The following ADAMTS20 variants were observed in gnomAD, a reference collection of about 807,000 sequenced individuals.
ADAMTS20 encodes the protein ADAM metallopeptidase with thrombospondin type 1 motif 20.
In ADAMTS20, 225 loss-of-function variants were observed where a neutral mutation model predicts 260.1. That is an observed-to-expected ratio of 0.87 (90% CI 0.78 to 0.97). The LOEUF (loss-of-function observed/expected upper bound fraction) is 0.97. ADAMTS20 is among the 50% of genes least tolerant of loss of function. ADAMTS20 has a pLI of 0.00. For missense variants in ADAMTS20, 2,400 were observed against 2,337.7 expected, an observed-to-expected ratio of 1.03 and a Z score of -0.55; for synonymous variants, 802 against 769.5, an observed-to-expected ratio of 1.04 and a Z score of -0.70.
chr12:43,415,597 T>TA (rs946597481), intron 28 of ADAMTS20, among the ~76,000 whole-genome samples: 10 of 152,234 alleles, frequency 6.6e-5, no homozygotes, highest in Middle Eastern at 6.8e-3. Context: ...ATTTTATCCT[T>TA]AAAAAATACC....
intron 4 of ADAMTS20, among the ~76,000 whole-genome samples, chr12:43,493,455 G>A (rs549497233): frequency 6.6e-6 from 1 of 152,236 alleles, no homozygotes; most frequent in Non-Finnish European, 1.5e-5. Context: ...TGAGACTCAG[G>A]CATCTTAAAG....
chr12:43,381,645 G>A (rs1940354051), intron 31 of ADAMTS20, among the ~76,000 whole-genome samples: 1 of 151,042 alleles, frequency 6.6e-6, no homozygotes, highest in African/African-American at 2.4e-5. Context: ...GCTAGAGATG[G>A]TGGCACATGG....
At chr12:43,381,282 T>G (rs1220321468) in intron 31 of ADAMTS20, among the ~76,000 whole-genome samples, 1 of 152,094 alleles carries the variant, frequency 6.6e-6, no homozygotes, top group Admixed American at 6.5e-5. Context: ...TAGATATATA[T>G]CTTTGTGAGC....
chr12:43,452,608 G>A lies in ADAMTS20; in HGVS notation c.1848C>T (p.Asp616=). 1 of 1,613,474 alleles carries A rather than the reference G, an allele frequency of 6.2e-7. No individual in the cohort carries two copies. Among genetic ancestry groups the A allele is most frequent in the Non-Finnish European group, 8.5e-7 (1 of 1,179,732 alleles). ...NTDSCPKGTQ[D]FREKQCSDFN... is the part of the protein sequence containing the mutation. Reference sequence around the variant, plus strand: ...AATCAGAGCACTGCTTCTCTCGAAAGTCTTGTGTGCCTTTTGGACATGAAT... The same window carrying A: ...AATCAGAGCACTGCTTCTCTCGAAAATCTTGTGTGCCTTTTGGACATGAAT... The change falls in exon 13 of 39, where the codon GAC becomes GAT. Residue 616 remains aspartate, a synonymous_variant. Coordinates refer to ENST00000389420, the MANE Select transcript of ADAMTS20 (RefSeq NM_025003.5).
intron 29 of ADAMTS20, among the ~76,000 whole-genome samples, chr12:43,386,425 C>T (rs529945693): frequency 1.3e-5 from 2 of 152,204 alleles, no homozygotes; most frequent in African/African-American, 4.8e-5. Flanking sequence ...ACATTTTTTC[C>T]TTCATTTCAA....
chr12:43,508,346 G>T (rs1942874602), intron 3 of ADAMTS20, among the ~76,000 whole-genome samples: 1 of 151,918 alleles, frequency 6.6e-6, no homozygotes, highest in South Asian at 2.1e-4. Flanking sequence ...TACAGATGAG[G>T]AATCTACAAC....
At chr12:43,415,164 TATGTTTG>T (rs1204474159) in intron 28 of ADAMTS20, among the ~76,000 whole-genome samples, 1 of 152,104 alleles carries the variant, frequency 6.6e-6, no homozygotes, top group Non-Finnish European at 1.5e-5. Flanking sequence ...ATGAATCTAT[TATGTTTG>T]ATGTCAGAAA....
intron 24 of ADAMTS20, among the ~76,000 whole-genome samples, chr12:43,429,227 A>T (rs766049444): frequency 2.0e-5 from 3 of 152,180 alleles, no homozygotes; most frequent in Non-Finnish European, 2.9e-5. Flanking sequence ...TACATATTCT[A>T]CAAGATTTTA....
chr12:43,428,180 G>T (rs1232674154), intron 26 of ADAMTS20, 61 bp downstream of exon 26: 10 of 1,526,282 alleles, frequency 6.6e-6, no homozygotes, highest in Non-Finnish European at 8.9e-6. Context: ...ATACATACCT[G>T]TTAAAAGGAT....
At chr12:43,365,200 T>C (rs550567924) in intron 37 of ADAMTS20, among the ~76,000 whole-genome samples, 16 of 152,044 alleles carry the variant, frequency 1.1e-4, no homozygotes, top group Admixed American at 2.6e-4. Context: ...CACTCCTAGA[T>C]AAACAAAACT....
chr12:43,425,526 T>C lies in ADAMTS20; in HGVS notation c.4272A>G (p.Glu1424=), dbSNP rs1405086119. 6.5e-7 allele frequency: 1 copy of C among 1,530,156 alleles called. No homozygotes were observed. Among genetic ancestry groups the C allele is most frequent in the Admixed American group, 1.9e-5 (1 of 54,042 alleles). 94.8% of individuals were successfully genotyped at this position (1,530,156 alleles called of 1,614,324 possible). Reference sequence around the variant, plus strand: ...AGTGCTATCATACCGATGTCCATGGTTCCTGATGCCATGACACATCAGCAG... The same window carrying C: ...AGTGCTATCATACCGATGTCCATGGCTCCTGATGCCATGACACATCAGCAG... The part of the protein sequence containing the change: ...ACPADVSWHQ[E]PWTSCSASCG... The change falls in exon 28 of 39, where the codon GAA becomes GAG. Residue 1424 remains glutamate, a synonymous_variant. Transcript: ENST00000389420.
chr12:43,466,003 G>A (rs1170225761), intron 9 of ADAMTS20, among the ~76,000 whole-genome samples: 1 of 152,030 alleles, frequency 6.6e-6, no homozygotes, highest in East Asian at 1.9e-4. Flanking sequence ...TTGGGAAGGA[G>A]CTCAGGCTTG....
At chr12:43,378,089 G>A (rs1940269615) in intron 31 of ADAMTS20, among the ~76,000 whole-genome samples, 1 of 152,182 alleles carries the variant, frequency 6.6e-6, no homozygotes, top group South Asian at 2.1e-4. Flanking sequence ...TTTAGCAAAA[G>A]AGGAGTAACA....
At chr12:43,491,735 G>T (rs1942603051) in intron 6 of ADAMTS20, among the ~76,000 whole-genome samples, 1 of 152,064 alleles carries the variant, frequency 6.6e-6, no homozygotes, top group African/African-American at 2.4e-5. Flanking sequence ...GCATCAAAAC[G>T]AGGAACAGAT....
At chr12:43,362,627 T>G (rs1001598012) in intron 37 of ADAMTS20, among the ~76,000 whole-genome samples, 1 of 152,078 alleles carries the variant, frequency 6.6e-6, no homozygotes, top group East Asian at 1.9e-4. Context: ...AACCACCACT[T>G]AAAGTCTCTG....
intron 37 of ADAMTS20, among the ~76,000 whole-genome samples, chr12:43,359,380 A>T (rs1488973413): frequency 6.6e-6 from 1 of 152,208 alleles, no homozygotes; most frequent in African/African-American, 2.4e-5. Context: ...GTGCTCATTA[A>T]ATAATTATGT....
chr12:43,396,872 A>G (rs1251988733), intron 29 of ADAMTS20, among the ~76,000 whole-genome samples: 1 of 152,148 alleles, frequency 6.6e-6, no homozygotes, highest in Non-Finnish European at 1.5e-5. Flanking sequence ...CCGCAGCAAA[A>G]GAATCTTTGG....
chr12:43,421,284 A>ACAC (rs1565689582), intron 28 of ADAMTS20, among the ~76,000 whole-genome samples: 3 of 102,230 alleles, frequency 2.9e-5, no homozygotes, highest in East Asian at 6.5e-4. Context: ...TTCATTTACA[A>ACAC]AAAAAAAAAA....
chr12:43,468,706 C>T lies in ADAMTS20; in HGVS notation c.1118-1G>A. On this transcript the variant is annotated splice_acceptor_variant, in intron 7 of 38. Transcript: ENST00000389420. LOFTEE classifies it high-confidence loss of function. The stretch of plus-strand genomic sequence containing the variant: ...CATATGGTACCTAAATATGATAAAC[C>T]TGAAAAATTTCACATTTGTATTTCA... 6.5e-7 allele frequency: 1 copy of T among 1,529,900 alleles called. No individual in the cohort carries two copies. The highest frequency in any genetic ancestry group is 8.9e-7 in the Non-Finnish European group (1 of 1,122,704). The allele number at this position is 1,529,900 out of a possible 1,614,324, so 94.8% of individuals were successfully genotyped here.
Sources: allele counts gnomAD v4.1 joint callset (sites outside exome capture counted in the v4.1 genomes callset), GRCh38; gene constraint gnomAD v4.1.1; transcripts MANE v1.5; gene names NCBI Gene and HGNC (gene_info 2026-07-23, HGNC 2026-07-21).